Variants in LARGE1 observed in about 807,000 individuals in gnomAD.
The protein encoded by LARGE1 is xylosyl- and glucuronyltransferase LARGE1.
In LARGE1, 43 loss-of-function variants were observed where a neutral mutation model predicts 87.6. The observed-to-expected ratio is 0.49, with a 90% CI of 0.38 to 0.63. LARGE1 has a LOEUF of 0.63. LARGE1 is among the 30% of genes least tolerant of loss of function. The probability of loss-of-function intolerance (pLI) is 0.00; values close to 1 mark genes in which losing one functional copy is unlikely to be tolerated. For missense variants in LARGE1, 802 were observed against 1,000.2 expected, an observed-to-expected ratio of 0.80 and a Z score of 2.67; for synonymous variants, 434 against 394.6, an observed-to-expected ratio of 1.10 and a Z score of -1.18.
intron 2 of LARGE1, among the ~76,000 whole-genome samples, chr22:33,745,551 G>A (rs934976785): frequency 6.6e-6 from 1 of 152,112 alleles, no homozygotes; most frequent in Non-Finnish European, 1.5e-5. Flanking sequence ...GAACCAATCT[G>A]CCCCCAAACT....
intron 7 of LARGE1, among the ~76,000 whole-genome samples, chr22:33,407,474 T>C (rs2066143984): frequency 6.6e-6 from 1 of 152,230 alleles, no homozygotes; most frequent in Admixed American, 6.5e-5. Context: ...TAGCCTCAGG[T>C]AATTCTATCT....
rs2078914180 is a variant in LARGE1, at chr22:33,594,036, A to T, written c.615+10399T>A. 3.3e-5 allele frequency among the ~76,000 whole-genome samples: 5 copies of T among 152,234 alleles called. No homozygotes were observed. The South Asian group carries it at 1.0e-3, about 32-fold the overall frequency. ...TAAAAGAAGATTATGCAAGTTAAGC[A>T]TATTAGGTTGGCAAATAATCAACTC... On this transcript the variant is annotated intron_variant, in intron 5 of 14. Transcript: ENST00000397394.
chr22:33,171,662 A>C (rs999616318), intron 11 of LARGE1, among the ~76,000 whole-genome samples: 1 of 152,190 alleles, frequency 6.6e-6, no homozygotes, highest in Admixed American at 6.5e-5. Context: ...CCACGTGGTG[A>C]TAGGCCTGAG....
chr22:33,907,956 C>T (rs2065505490), intron 1 of LARGE1, among the ~76,000 whole-genome samples: 1 of 152,172 alleles, frequency 6.6e-6, no homozygotes, highest in Non-Finnish European at 1.5e-5. Flanking sequence ...CTCACCAGCA[C>T]CACCAGATTT....
At chr22:33,414,774 T>C (rs1262644986) in intron 7 of LARGE1, among the ~76,000 whole-genome samples, 1 of 152,176 alleles carries the variant, frequency 6.6e-6, no homozygotes, top group Non-Finnish European at 1.5e-5. Context: ...GTCATGAGTG[T>C]GCAGTCCTCA....
intron 9 of LARGE1, among the ~76,000 whole-genome samples, chr22:33,374,859 CTTA>C (rs1244667633): frequency 2.6e-5 from 4 of 151,854 alleles, no homozygotes; most frequent in Middle Eastern, 3.2e-3. Flanking sequence ...ATGTTAATTG[CTTA>C]TTATAATGAA....
chr22:33,544,816 T>C (rs925542086), intron 6 of LARGE1, among the ~76,000 whole-genome samples: 1 of 152,166 alleles, frequency 6.6e-6, no homozygotes, highest in African/African-American at 2.4e-5. Context: ...CCAATCCCTA[T>C]AGCCAGGGAG....
At chr22:33,784,627 G>A (rs2085537547) in intron 1 of LARGE1, among the ~76,000 whole-genome samples, 1 of 152,030 alleles carries the variant, frequency 6.6e-6, no homozygotes, top group Admixed American at 6.6e-5. Flanking sequence ...GAATAAAAGT[G>A]GCATTCTACC....
intron 11 of LARGE1, among the ~76,000 whole-genome samples, chr22:33,179,029 A>G (rs763086305): frequency 3.3e-5 from 5 of 152,208 alleles, no homozygotes. Context: ...CAAGAGGGCA[A>G]GAGCATGTGT....
intron 11 of LARGE1, among the ~76,000 whole-genome samples, chr22:33,217,238 CA>C (rs137458): frequency 0.16 from 20,841 of 131,016 alleles, 1,374 homozygotes; most frequent in East Asian, 0.24. Context: ...TATCTAACAG[CA>C]AAAAAAAAAA....
At chr22:33,677,930 C>G (rs2081631330) in intron 2 of LARGE1, among the ~76,000 whole-genome samples, 1 of 152,152 alleles carries the variant, frequency 6.6e-6, no homozygotes, top group South Asian at 2.1e-4. Flanking sequence ...AATGCAGGAG[C>G]TAGAGACAAA....
chr22:33,640,824 T>C (rs973828439), intron 3 of LARGE1, among the ~76,000 whole-genome samples: 1 of 152,154 alleles, frequency 6.6e-6, no homozygotes, highest in Non-Finnish European at 1.5e-5. Context: ...GCAGAACTCA[T>C]GACGGCATGG....
At chr22:33,651,362 A>G (rs893403337) in intron 2 of LARGE1, among the ~76,000 whole-genome samples, 2 of 134,922 alleles carry the variant, frequency 1.5e-5, no homozygotes, top group African/African-American at 2.9e-5. Context: ...ACTGCACTCC[A>G]GCCTGGGCCA....
chr22:33,824,066 T>C (rs1019779414), intron 1 of LARGE1, among the ~76,000 whole-genome samples: 1 of 152,238 alleles, frequency 6.6e-6, no homozygotes, highest in Non-Finnish European at 1.5e-5. Flanking sequence ...ATCATTATCC[T>C]CATTTTACAG....
At chr22:33,163,481 T>C (rs1396183304) in exon 12 of LARGE1, 1 of 152,228 alleles carries the variant, frequency 6.6e-6, no homozygotes, top group East Asian at 1.9e-4. Context: ...ATGAACTTGT[T>C]CATTACAGGT....
rs577891100 is a variant in LARGE1 at position 33,606,153 on chromosome 22, C to T, written c.492-1595G>A. On this transcript the variant is annotated intron_variant, in intron 4 of 14. Transcript: ENST00000397394. ...GGGCACGGCGGCTCACGCCTGTAAT[C>T]CCAGCACTTTGGGAGGCCAAGGTGG... 2.6e-5 allele frequency among the ~76,000 whole-genome samples: 4 copies of T among 152,270 alleles called. No individual in the cohort carries two copies. The South Asian group carries it at 8.3e-4, about 32-fold the overall frequency.
At chr22:33,768,682 T>C (rs1369336789) in intron 1 of LARGE1, among the ~76,000 whole-genome samples, 1 of 152,196 alleles carries the variant, frequency 6.6e-6, no homozygotes, top group Non-Finnish European at 1.5e-5. Flanking sequence ...TCTCTCTTCA[T>C]TCGACTAAAA....
chr22:33,150,687 C>T, the LARGE1 span, among the ~76,000 whole-genome samples: 2 of 152,252 alleles, frequency 1.3e-5, no homozygotes, highest in African/African-American at 4.8e-5. Flanking sequence ...ATTCCAACAT[C>T]ATTTTTGTAA....
chr22:33,082,296 C>T, the LARGE1 span, among the ~76,000 whole-genome samples: 3 of 152,214 alleles, frequency 2.0e-5, no homozygotes, highest in Admixed American at 6.5e-5. Context: ...ACATGTTCTT[C>T]CTCTGTGCAG....
Sources: allele counts gnomAD v4.1 joint callset (sites outside exome capture counted in the v4.1 genomes callset), GRCh38; gene constraint gnomAD v4.1.1; transcripts MANE v1.5; gene names NCBI Gene and HGNC (gene_info 2026-07-23, HGNC 2026-07-21).